DYNC2I1: variants seen among roughly 807,000 people sequenced by gnomAD.
DYNC2I1 encodes cytoplasmic dynein 2 intermediate chain 1.
Under a neutral mutation model 133.4 loss-of-function variants are expected in DYNC2I1, and 89 were observed. The observed-to-expected ratio is 0.67, with a 90% CI of 0.56 to 0.80. The LOEUF (loss-of-function observed/expected upper bound fraction) is 0.80. Ranked by LOEUF, DYNC2I1 falls within the 30% of genes least tolerant of loss-of-function variation. The pLI, the probability that DYNC2I1 is intolerant of heterozygous loss-of-function variation, is 0.00. For synonymous variants in DYNC2I1, 504 were observed against 484.3 expected, an observed-to-expected ratio of 1.04 and a Z score of -0.54; for missense variants, 1,291 against 1,314.5, an observed-to-expected ratio of 0.98 and a Z score of 0.28.
chr7:158,849,488 AGGT>A, the DYNC2I1 span, among the ~76,000 whole-genome samples: 1 of 152,218 alleles, frequency 6.6e-6, no homozygotes, highest in East Asian at 1.9e-4. Flanking sequence ...GGGAAGAATG[AGGT>A]ACACAGACAA....
the DYNC2I1 span, among the ~76,000 whole-genome samples, chr7:158,849,006 G>T: frequency 1.3e-5 from 2 of 152,108 alleles, no homozygotes; most frequent in Non-Finnish European, 2.9e-5. Flanking sequence ...TTCTGTATTT[G>T]CCCCAGATTG....
Position 158,930,523 on chromosome 7 carries a change from G to A in DYNC2I1, c.2546+8G>A. 1.9e-6 allele frequency: 3 copies of A among 1,611,332 alleles called. No individual in the cohort carries two copies. The highest frequency in any genetic ancestry group is 2.5e-6 in the Non-Finnish European group (3 of 1,178,740). Reference sequence around the variant, plus strand: ...GATCCAGTTGGGTGACAGGTAAGATGTGAGGGAAAATGCTTCACTATCTCA... The same window carrying A: ...GATCCAGTTGGGTGACAGGTAAGATATGAGGGAAAATGCTTCACTATCTCA... On this transcript the variant is annotated splice_region_variant and intron_variant, in intron 21 of 24. Coordinates refer to ENST00000407559, the MANE Select transcript of DYNC2I1 (RefSeq NM_018051.5).
Position 158,869,909 on chromosome 7 carries a change from G to T in DYNC2I1, c.69+1G>T. ...AGATGACCTCAGAAAACATCTCTGGGTAATTATTGTAAAGATTTGGATTGG... is the reference window on the plus strand; with the variant it reads ...AGATGACCTCAGAAAACATCTCTGGTTAATTATTGTAAAGATTTGGATTGG... On this transcript the variant is annotated splice_donor_variant, in intron 2 of 24. Transcript: ENST00000407559. LOFTEE classifies it high-confidence loss of function. The T allele has an allele frequency of 1.9e-6, 3 of 1,613,222 alleles. No homozygotes were observed. Among genetic ancestry groups the T allele is most frequent in the Non-Finnish European group, 2.5e-6 (3 of 1,179,322 alleles).
intron 8 of DYNC2I1, among the ~76,000 whole-genome samples, chr7:158,893,326 C>G (rs1462429383): frequency 6.6e-6 from 1 of 152,086 alleles, no homozygotes; most frequent in Non-Finnish European, 1.5e-5. Context: ...TACAGCTGCT[C>G]CTCAACTTGT....
intron 15 of DYNC2I1, 114 bp downstream of exon 15, chr7:158,918,983 AACTG>A: frequency 8.4e-7 from 1 of 1,194,292 alleles, no homozygotes; most frequent in Non-Finnish European, 1.1e-6. Flanking sequence ...ATGTACATAA[AACTG>A]AGAAAGACTG....
intron 23 of DYNC2I1, among the ~76,000 whole-genome samples, chr7:158,939,720 C>G (rs1851136350): frequency 6.6e-6 from 1 of 152,108 alleles, no homozygotes; most frequent in African/African-American, 2.4e-5. Flanking sequence ...AGGCTGCTCT[C>G]AAGAAATTCA....
chr7:158,844,236 G>C, the DYNC2I1 span, among the ~76,000 whole-genome samples: 8,491 of 152,204 alleles, frequency 0.056, 670 homozygotes, highest in African/African-American at 0.18. Context: ...AAATACATTT[G>C]AGATATGGAA....
chr7:158,876,504 A>G, intron 3 of DYNC2I1, 105 bp from the exon 4 acceptor site: 6 of 1,361,290 alleles, frequency 4.4e-6, no homozygotes, highest in Non-Finnish European at 5.8e-6. Context: ...TCAAATACAT[A>G]TTAACGAATA....
chr7:158,884,616 GC>G lies in DYNC2I1; in HGVS notation c.934del (p.Gln312SerfsTer6). The G allele has an allele frequency of 6.2e-7, 1 of 1,613,186 alleles. No individual in the cohort carries two copies. Among genetic ancestry groups the G allele is most frequent in the Non-Finnish European group, 8.5e-7 (1 of 1,179,532 alleles). ...GASSKRDGTS[S>X]QHAENLVRNH... is the part of the protein sequence containing the mutation. ...AGCTCAAAAAGAGATGGGACCAGCA[GC>G]CAGTAAGGATTGCATGCCCTGTGGT... On this transcript the variant is annotated frameshift_variant and splice_region_variant, in exon 6 of 25. Coordinates refer to ENST00000407559, the MANE Select transcript of DYNC2I1 (RefSeq NM_018051.5). LOFTEE classifies it high-confidence loss of function.
chr7:158,908,318 G>C (rs1335353473), intron 11 of DYNC2I1, among the ~76,000 whole-genome samples: 1 of 151,922 alleles, frequency 6.6e-6, no homozygotes, highest in Non-Finnish European at 1.5e-5. Context: ...AGTGTAAATG[G>C]TTATTTCAGT....
chr7:158,892,529 A>G (rs1845329464), intron 8 of DYNC2I1, among the ~76,000 whole-genome samples: 1 of 151,742 alleles, frequency 6.6e-6, no homozygotes, highest in African/African-American at 2.4e-5. Flanking sequence ...GCAGCCTTAG[A>G]CTCTTGGGAT....
At chr7:158,839,663 CA>C in the DYNC2I1 span, among the ~76,000 whole-genome samples, 14 of 152,014 alleles carry the variant, frequency 9.2e-5, no homozygotes, top group Non-Finnish European at 1.6e-4. Context: ...ACTAAAAATA[CA>C]AAAAAATTAG....
rs865845019 is a variant in DYNC2I1 at position 158,863,478 on chromosome 7, T to C, written c.16-6377T>C. Among the ~76,000 whole-genome samples the C allele has an allele frequency of 2.8e-4, 42 of 151,824 alleles. No individual in the cohort carries two copies. The Middle Eastern group carries it at 0.01, about 37-fold the overall frequency. ...CAGAATGAGACTCTTTAAATAATAA[T>C]AATATGGCTGTTGGTGGTGATGCTG... On this transcript the variant is annotated intron_variant, in intron 1 of 24. Transcript: ENST00000407559.
intron 21 of DYNC2I1, among the ~76,000 whole-genome samples, chr7:158,931,763 T>C (rs558602713): frequency 1.3e-5 from 2 of 152,260 alleles, no homozygotes; most frequent in East Asian, 3.9e-4. Context: ...CAACCAACCA[T>C]GTTGAGCTTA....
At chr7:158,944,372 AGTTTTAAAGCATCTAG>A (rs1414464975) in intron 24 of DYNC2I1, among the ~76,000 whole-genome samples, 1 of 152,188 alleles carries the variant, frequency 6.6e-6, no homozygotes. Context: ...CCGTAGGTGT[AGTTTTAAAGCATCTAG>A]ACATAGTTTA....
the DYNC2I1 span, among the ~76,000 whole-genome samples, chr7:158,844,767 A>G: frequency 1.3e-5 from 2 of 152,046 alleles, no homozygotes; most frequent in African/African-American, 4.8e-5. Flanking sequence ...GATTACAGGC[A>G]TGCACCACCA....
At chr7:158,928,143 C>T (rs1849808372) in intron 20 of DYNC2I1, among the ~76,000 whole-genome samples, 2 of 152,174 alleles carry the variant, frequency 1.3e-5, no homozygotes, top group African/African-American at 4.8e-5. Context: ...TGAAGCAAAG[C>T]TAATAGCACC....
chr7:158,948,947 G>T (rs958712097), downstream of DYNC2I1, among the ~76,000 whole-genome samples: 2 of 152,104 alleles, frequency 1.3e-5, no homozygotes, highest in African/African-American at 4.8e-5. Context: ...GAGGAGACAC[G>T]GCCCTCCTAC....
At chr7:158,919,471 C>G (rs1848795277) in intron 15 of DYNC2I1, among the ~76,000 whole-genome samples, 1 of 152,210 alleles carries the variant, frequency 6.6e-6, no homozygotes, top group Non-Finnish European at 1.5e-5. Flanking sequence ...CTAGTAACCT[C>G]TTTGTCTCTG....
Sources: allele counts gnomAD v4.1 joint callset (sites outside exome capture counted in the v4.1 genomes callset), GRCh38; gene constraint gnomAD v4.1.1; transcripts MANE v1.5; gene names NCBI Gene and HGNC (gene_info 2026-07-23, HGNC 2026-07-21).